FBXL6: variants seen among roughly 807,000 people sequenced by gnomAD.
FBXL6 encodes F-box/LRR-repeat protein 6.
Under a neutral mutation model 53.3 loss-of-function variants are expected in FBXL6, and 50 were observed. That is an observed-to-expected ratio of 0.94 (90% CI 0.75 to 1.19). The LOEUF (loss-of-function observed/expected upper bound fraction) is 1.19, where lower values mean the gene tolerates loss of function less well. FBXL6 is among the 50% of genes most tolerant of loss of function. FBXL6 has a pLI of 0.00. For missense variants in FBXL6, 815 were observed against 719.0 expected, an observed-to-expected ratio of 1.13 and a Z score of -1.53; for synonymous variants, 405 against 322.9, an observed-to-expected ratio of 1.25 and a Z score of -2.73.
chr8:144,358,443 GC>G lies in FBXL6; in HGVS notation c.4del (p.Ala2LeufsTer159), dbSNP rs1328070531. ...TCGGACCTGCCGGGAGGCTGGGGCA[GC>G]CATGACCACCGACGGCGCTCGGGGA... M[A>X]APASRQVRRR... On this transcript the variant is annotated frameshift_variant, in exon 1 of 9. Coordinates refer to ENST00000331890, the MANE Select transcript of FBXL6 (RefSeq NM_012162.4). LOFTEE classifies it high-confidence loss of function. The G allele has an allele frequency of 8.0e-7, 1 of 1,242,376 alleles. No homozygotes were observed. The highest frequency in any genetic ancestry group is 3.0e-5 in the East Asian group (1 of 32,798). The allele number at this position is 1,242,376 out of a possible 1,614,324, so 77.0% of individuals were successfully genotyped here. A position where few individuals can be genotyped will look rare whatever the true frequency, so the allele number is the denominator to read the frequency against.
Position 144,357,086 on chromosome 8 carries a change from G to C in FBXL6, c.675C>G (p.Leu225=). The change falls in exon 4 of 9, where the codon CTC becomes CTG. Residue 225 remains leucine (L), a synonymous_variant. Coordinates refer to ENST00000331890, the MANE Select transcript of FBXL6 (RefSeq NM_012162.4). Reference sequence around the variant, plus strand: ...TCACACCGTGGCAGCCGGAGAGCTTGAGGAAAGTGAGCCGAGGACAGCACT... The same window carrying C: ...TCACACCGTGGCAGCCGGAGAGCTTCAGGAAAGTGAGCCGAGGACAGCACT... ...VGECCPRLTF[L]KLSGCHGVTA... is the part of the protein sequence containing the mutation. 2 of 1,612,954 alleles carry C rather than the reference G, an allele frequency of 1.2e-6. No homozygotes were observed. Among genetic ancestry groups the C allele is most frequent in the Non-Finnish European group, 1.7e-6 (2 of 1,180,016 alleles).
At position 144,358,231 on chromosome 8, in the gene FBXL6, G is replaced by A. The variant is rs1554853425; in HGVS notation, c.217C>T (p.Arg73Trp). The change falls in exon 1 of 9, where the codon CGG becomes TGG. Residue 73 changes from arginine to tryptophan, a missense_variant. Coordinates refer to ENST00000331890, the MANE Select transcript of FBXL6 (RefSeq NM_012162.4). ...ASRRTPRQPP[R>W]GPSAAAKPKA... is the part of the protein sequence containing the mutation. ...GGCTTGGCCGCGGCGCTGGGGCCCC[G>A]GGGCGGCTGCCGGGGAGTGCGGCGG... The A allele has an allele frequency of 1.7e-6, 2 of 1,207,634 alleles. No individual in the cohort carries two copies. The highest frequency in any genetic ancestry group is 1.6e-5 in the African/African-American group (1 of 63,186). The allele number at this position is 1,207,634 out of a possible 1,614,324, so 74.8% of individuals were successfully genotyped here. A position where few individuals can be genotyped will look rare whatever the true frequency, so the allele number is the denominator to read the frequency against.
Position 144,358,138 on chromosome 8 carries a change from C to T in FBXL6, c.310G>A (p.Glu104Lys), listed in dbSNP as rs1818556952. Residue 104 changes from glutamate to lysine, a missense_variant, in exon 1 of 9, where the codon GAG becomes AAG. Transcript: ENST00000331890. Reference sequence around the variant, plus strand: ...CCCCAGCCCGCGTCGGGCCCTTCCTCGGGCGTGGGCGTGGGTGCCGGTGCG... The same window carrying T: ...CCCCAGCCCGCGTCGGGCCCTTCCTTGGGCGTGGGCGTGGGTGCCGGTGCG... ...APAPAPTPTP[E>K]EGPDAGWGDR... 1.3e-6 allele frequency: 2 copies of T among 1,558,080 alleles called. No homozygotes were observed. The highest frequency in any genetic ancestry group is 2.8e-5 in the African/African-American group (2 of 70,512).
In FBXL6 at chr8:144,356,191, G is replaced by C. The variant is rs180866787; in HGVS notation, c.1249C>G (p.Leu417Val). The C allele has an allele frequency of 6.8e-7, 1 of 1,460,844 alleles. No homozygotes were observed. The highest frequency in any genetic ancestry group is 9.1e-7 in the Non-Finnish European group (1 of 1,102,028). 90.5% of individuals were successfully genotyped at this position (1,460,844 alleles called of 1,614,324 possible). Reference protein sequence around the residue: ...CRELEQLHLGLYGTSDRLTLA... With the variant: ...CRELEQLHLGVYGTSDRLTLA... ...GTCAGCCGGTCTGACGTGCCATACA[G>C]GCCCAGATGAAGCTGCTCCAGCTCT... Residue 417 changes from leucine (L) to valine (V), a missense_variant, in exon 8 of 9, where the codon CTG becomes GTG. Coordinates refer to ENST00000331890, the MANE Select transcript of FBXL6 (RefSeq NM_012162.4).
chr8:144,356,472 G>A lies in FBXL6; in HGVS notation c.1053C>T (p.Pro351=), dbSNP rs781893569. The part of the protein sequence containing the change: ...LPKPPGRGVA[P]GPGFPSLEEL... ...CCTCTAGGCTAGGGAAGCCTGGTCC[G>A]GGAGCCACCCCTCGTCCCGGAGGCT... Residue 351 remains proline, a synonymous_variant, in exon 7 of 9, where the codon CCC becomes CCT. Transcript: ENST00000331890. The A allele has an allele frequency of 1.6e-5, 25 of 1,612,836 alleles. No individual in the cohort carries two copies. Among genetic ancestry groups the A allele is most frequent in the East Asian group, 8.9e-5 (4 of 44,892 alleles).
intron 8 of FBXL6, 133 bp downstream of exon 8, chr8:144,355,835 G>C (rs1046369377): frequency 1.2e-5 from 19 of 1,522,050 alleles, no homozygotes; most frequent in Non-Finnish European, 1.6e-5. Flanking sequence ...CCCACCCCAC[G>C]CAGGGGCTTG....
At position 144,357,572 on chromosome 8, in the gene FBXL6, G is replaced by A. The variant is rs368491938; in HGVS notation, c.575+56C>T. 9 of 1,609,446 alleles carry A rather than the reference G, an allele frequency of 5.6e-6. No individual in the cohort carries two copies. In the African/African-American group the frequency reaches 6.7e-5, roughly 12 times the overall value. ...AGTCCTTCCCACCCAACACCTTGGTGCAGGGAGACGGAAGGAGCCTGGAGC... is the reference window on the plus strand; with the variant it reads ...AGTCCTTCCCACCCAACACCTTGGTACAGGGAGACGGAAGGAGCCTGGAGC... On this transcript the variant is annotated intron_variant, in intron 2 of 8. Coordinates refer to ENST00000331890, the MANE Select transcript of FBXL6 (RefSeq NM_012162.4).
chr8:144,355,485 G>A lies in FBXL6; in HGVS notation c.*46C>T, dbSNP rs1191541929. 2 of 1,593,008 alleles carry A rather than the reference G, an allele frequency of 1.3e-6. No homozygotes were observed. Among genetic ancestry groups the A allele is most frequent in the East Asian group, 2.3e-5 (1 of 44,398 alleles). On this transcript the variant is annotated 3_prime_UTR_variant, in exon 9 of 9. Coordinates refer to ENST00000331890, the MANE Select transcript of FBXL6 (RefSeq NM_012162.4). Reference sequence around the variant, plus strand: ...CTCAAATATCTGAAATTGGGCAAAGGTGGAGGGTGGGCAAGCTGGCTGAGG... The same window carrying A: ...CTCAAATATCTGAAATTGGGCAAAGATGGAGGGTGGGCAAGCTGGCTGAGG...
chr8:144,355,625 C>T lies in FBXL6; in HGVS notation c.1526G>A (p.Arg509His), dbSNP rs1310763551. 6 of 1,611,184 alleles carry T rather than the reference C, an allele frequency of 3.7e-6. No individual in the cohort carries two copies. Among genetic ancestry groups the T allele is most frequent in the African/African-American group, 2.7e-5 (2 of 74,960 alleles). ...GLLYLNLESC[R>H]CLPRGLKRAY... ...CCGCTTCAGACCCCGGGGAAGGCAG[C>T]GGCAGGACTCCAGGTTGAGGTAGAG... The change falls in exon 9 of 9, where the codon CGC (arginine) becomes CAC (histidine). Residue 509 changes from arginine (R) to histidine (H), a missense_variant. Physicochemically the swap from Arg to His is conservative, Grantham distance 29. Coordinates refer to ENST00000331890, the MANE Select transcript of FBXL6 (RefSeq NM_012162.4).
Position 144,356,693 on chromosome 8 carries a change from G to C in FBXL6, c.900C>G (p.Leu300=). The change falls in exon 6 of 9, where the codon CTC becomes CTG. Residue 300 remains leucine (L), a synonymous_variant. Transcript: ENST00000331890. ...GALLGSCCPQ[L]QVLEVSTGIN... ...TGCCGGTGCTCACCTCCAGGACCTG[G>C]AGCTGGGGGCAGCAGCTGCCCTGCA... 1 of 1,612,592 alleles carries C rather than the reference G, an allele frequency of 6.2e-7. No individual in the cohort carries two copies. The highest frequency in any genetic ancestry group is 8.5e-7 in the Non-Finnish European group (1 of 1,179,974).
chr8:144,356,852 G>A lies in FBXL6; in HGVS notation c.835C>T (p.Leu279=). The part of the protein sequence containing the change: ...EAGSRMRKLW[L]TYSSQTTAIL... ...GCTGTCGTCTGGGAGCTGTAGGTCA[G>A]CCACAACTTGCGCATTCGGGACCCT... The change falls in exon 5 of 9, where the codon CTG becomes TTG. Residue 279 remains leucine (L), a synonymous_variant. Coordinates refer to ENST00000331890, the MANE Select transcript of FBXL6 (RefSeq NM_012162.4). The A allele has an allele frequency of 6.2e-7, 1 of 1,613,370 alleles. No homozygotes were observed. The highest frequency in any genetic ancestry group is 8.5e-7 in the Non-Finnish European group (1 of 1,180,018).
chr8:144,355,700 G>C (rs1818369947), intron 8 of FBXL6, 22 bp from the exon 9 acceptor site: 15 of 1,609,112 alleles, frequency 9.3e-6, no homozygotes, highest in Non-Finnish European at 1.2e-5. Context: ...GCAGACCACA[G>C]GAAGTTGAGC....
chr8:144,358,428 C>A lies in FBXL6; in HGVS notation c.20G>T (p.Arg7Leu). The A allele has an allele frequency of 9.6e-6, 12 of 1,245,118 alleles. No homozygotes were observed. Among genetic ancestry groups the A allele is most frequent in the Non-Finnish European group, 1.2e-5 (12 of 995,124 alleles). The allele number at this position is 1,245,118 out of a possible 1,614,324, so 77.1% of individuals were successfully genotyped here. Residue 7 changes from arginine (R) to leucine (L), a missense_variant, in exon 1 of 9, where the codon CGG becomes CTG. Coordinates refer to ENST00000331890, the MANE Select transcript of FBXL6 (RefSeq NM_012162.4). MAAPAS[R>L]QVRRRARAAP... ...TGCCCGGGCTCTGCGTCGGACCTGC[C>A]GGGAGGCTGGGGCAGCCATGACCAC...
chr8:144,355,922 A>C (rs1170667630), intron 8 of FBXL6, 46 bp downstream of exon 8: 1 of 1,603,910 alleles, frequency 6.2e-7, no homozygotes, highest in African/African-American at 1.3e-5. Flanking sequence ...AGGCAGACAC[A>C]GTGACAGCCA....
At position 144,356,150 on chromosome 8, in the gene FBXL6, G is replaced by A. The variant is rs1554852708; in HGVS notation, c.1290C>T (p.Gly430=). ...ACCACTTCTGGGTCAAAAAGGGGCTGCCCTCCTTGGCTAGAGTCAGCCGGT... is the reference window on the plus strand; with the variant it reads ...ACCACTTCTGGGTCAAAAAGGGGCTACCCTCCTTGGCTAGAGTCAGCCGGT... ...TSDRLTLAKE[G]SPFLTQKWCH... Residue 430 remains glycine, a synonymous_variant, in exon 8 of 9, where the codon GGC becomes GGT. Coordinates refer to ENST00000331890, the MANE Select transcript of FBXL6 (RefSeq NM_012162.4). 2 of 1,612,852 alleles carry A rather than the reference G, an allele frequency of 1.2e-6. No homozygotes were observed. The highest frequency in any genetic ancestry group is 1.7e-5 in the Admixed American group (1 of 60,004).
In FBXL6 at chr8:144,356,474, G is replaced by A. The variant is rs782545870; in HGVS notation, c.1051C>T (p.Pro351Ser). Reference sequence around the variant, plus strand: ...TCTAGGCTAGGGAAGCCTGGTCCGGGAGCCACCCCTCGTCCCGGAGGCTTG... The same window carrying A: ...TCTAGGCTAGGGAAGCCTGGTCCGGAAGCCACCCCTCGTCCCGGAGGCTTG... ...LPKPPGRGVA[P>S]GPGFPSLEEL... is the part of the protein sequence containing the mutation. The change falls in exon 7 of 9, where the codon CCC becomes TCC. Residue 351 changes from proline to serine, a missense_variant. Pro to Ser is a moderately conservative substitution (Grantham distance 74). Coordinates refer to ENST00000331890, the MANE Select transcript of FBXL6 (RefSeq NM_012162.4). 9 of 1,612,966 alleles carry A rather than the reference G, an allele frequency of 5.6e-6. No individual in the cohort carries two copies. The highest frequency in any genetic ancestry group is 7.6e-6 in the Non-Finnish European group (9 of 1,180,034).
chr8:144,355,751 C>T, intron 8 of FBXL6, 73 bp from the exon 9 acceptor site: 1 of 1,574,206 alleles, frequency 6.4e-7, no homozygotes, highest in East Asian at 2.3e-5. Flanking sequence ...GGAGCTGTGC[C>T]TGCTGGTGTT....
rs1344606964 is a variant in FBXL6, at chr8:144,355,538, G to C, written c.1613C>G (p.Pro538Arg). Residue 538 changes from proline (P) to arginine (R), a missense_variant, in exon 9 of 9, where the codon CCC becomes CGC. Coordinates refer to ENST00000331890, the MANE Select transcript of FBXL6 (RefSeq NM_012162.4). Reference sequence around the variant, plus strand: ...TCCCAGGTCTGTGGCTGCCTAGCTGGGTGAGGGGCTGGTGAGCAGCTGCTC... The same window carrying C: ...TCCCAGGTCTGTGGCTGCCTAGCTGCGTGAGGGGCTGGTGAGCAGCTGCTC... ...CLEQLLTSPS[P>R]S 11 of 1,609,308 alleles carry C rather than the reference G, an allele frequency of 6.8e-6. No homozygotes were observed. The highest frequency in any genetic ancestry group is 1.7e-5 in the Admixed American group (1 of 59,990).
chr8:144,357,999 T>C, intron 1 of FBXL6, 33 bp downstream of exon 1: 1 of 1,569,744 alleles, frequency 6.4e-7, no homozygotes, highest in South Asian at 1.1e-5. Context: ...CCCAAGCCGC[T>C]ACGCTCGGCG....
Sources: allele counts gnomAD v4.1 joint callset, GRCh38; gene constraint gnomAD v4.1.1; transcripts MANE v1.5; gene names NCBI Gene and HGNC (gene_info 2026-07-23, HGNC 2026-07-21).